Variants in SIL1 observed in about 807,000 individuals in gnomAD.
The protein encoded by SIL1 is nucleotide exchange factor SIL1.
A neutral mutation model predicts 49.1 loss-of-function variants in SIL1; 40 were observed. The observed-to-expected ratio is 0.81, with a 90% CI of 0.63 to 1.06. The LOEUF is 1.06. SIL1 is among the 50% of genes least tolerant of loss of function. The pLI is 0.00. For synonymous variants in SIL1, 253 were observed against 250.8 expected, an observed-to-expected ratio of 1.01 and a Z score of -0.08; for missense variants, 500 against 572.6, an observed-to-expected ratio of 0.87 and a Z score of 1.29.
chr5:139,145,389 G>T (rs1751171600), intron 1 of SIL1, among the ~76,000 whole-genome samples: 1 of 152,180 alleles, frequency 6.6e-6, no homozygotes, highest in East Asian at 1.9e-4. Flanking sequence ...AGTATAAAAT[G>T]TTGCAGCTGC....
chr5:139,117,093 T>A (rs1771006741), intron 3 of SIL1, among the ~76,000 whole-genome samples: 1 of 152,244 alleles, frequency 6.6e-6, no homozygotes, highest in South Asian at 2.1e-4. Context: ...TGCCATACCA[T>A]CTTTATGCCC....
intron 7 of SIL1, among the ~76,000 whole-genome samples, chr5:138,994,308 A>G (rs1767817632): frequency 6.6e-6 from 1 of 152,210 alleles, no homozygotes; most frequent in Non-Finnish European, 1.5e-5. Context: ...GTTGGCTATA[A>G]AGTCATATAC....
intron 1 of SIL1, among the ~76,000 whole-genome samples, chr5:139,140,301 T>C (rs1386523949): frequency 2.0e-5 from 3 of 151,874 alleles, no homozygotes; most frequent in Non-Finnish European, 4.4e-5. Flanking sequence ...ATTACAACTT[T>C]GTAATAATGA....
chr5:139,142,469 T>C (rs1358843685), intron 1 of SIL1, among the ~76,000 whole-genome samples: 1 of 152,138 alleles, frequency 6.6e-6, no homozygotes, highest in African/African-American at 2.4e-5. Context: ...ATCCCAGGAA[T>C]ACAAGAGTGG....
intron 3 of SIL1, among the ~76,000 whole-genome samples, chr5:139,113,698 C>T (rs979343297): frequency 1.3e-5 from 2 of 152,212 alleles, no homozygotes; most frequent in African/African-American, 4.8e-5. Flanking sequence ...TACTCCTAGC[C>T]CTGGTTAGTC....
At chr5:138,984,639 A>C (rs1767612103) in intron 7 of SIL1, among the ~76,000 whole-genome samples, 1 of 152,114 alleles carries the variant, frequency 6.6e-6, no homozygotes, top group Non-Finnish European at 1.5e-5. Flanking sequence ...GATTACAGGC[A>C]TGAGCCACTG....
At chr5:138,972,192 C>T (rs776505713) in intron 7 of SIL1, among the ~76,000 whole-genome samples, 4 of 152,182 alleles carry the variant, frequency 2.6e-5, no homozygotes, top group Non-Finnish European at 4.4e-5. Context: ...TAAGTGATTC[C>T]GTTGACTTCA....
chr5:139,120,563 G>A (rs1404569492), intron 3 of SIL1, among the ~76,000 whole-genome samples: 1 of 152,132 alleles, frequency 6.6e-6, no homozygotes, highest in African/African-American at 2.4e-5. Flanking sequence ...TCCTTCTGAG[G>A]ATGCACTATT....
At chr5:139,077,214 C>A (rs147149900) in intron 3 of SIL1, among the ~76,000 whole-genome samples, 4 of 152,208 alleles carry the variant, frequency 2.6e-5, no homozygotes, top group African/African-American at 7.2e-5. Context: ...TTCCCTCCCC[C>A]ACATTCAATC....
intron 7 of SIL1, among the ~76,000 whole-genome samples, chr5:138,966,183 C>G (rs1037258725): frequency 6.6e-6 from 1 of 152,114 alleles, no homozygotes; most frequent in Admixed American, 6.5e-5. Context: ...TCCACTCAAA[C>G]CCCCGTTACT....
chr5:139,066,023 G>C (rs888983277), intron 3 of SIL1, among the ~76,000 whole-genome samples: 7 of 152,166 alleles, frequency 4.6e-5, no homozygotes, highest in African/African-American at 1.7e-4. Flanking sequence ...AGCATTCTGA[G>C]CTAGAAAGAA....
chr5:138,964,587 G>A (rs774508035), intron 7 of SIL1, among the ~76,000 whole-genome samples: 15 of 152,228 alleles, frequency 9.9e-5, no homozygotes, highest in South Asian at 4.1e-4. Flanking sequence ...TCATTAAAAG[G>A]CCTTCTGCTG....
At chr5:139,144,110 T>C (rs1751146482) in intron 1 of SIL1, among the ~76,000 whole-genome samples, 1 of 152,210 alleles carries the variant, frequency 6.6e-6, no homozygotes, top group African/African-American at 2.4e-5. Context: ...AAACCCATCC[T>C]AAAATTCACA....
intron 1 of SIL1, among the ~76,000 whole-genome samples, chr5:139,190,015 A>G (rs1402206734): frequency 6.6e-6 from 1 of 152,196 alleles, no homozygotes; most frequent in Non-Finnish European, 1.5e-5. Flanking sequence ...AATTCTTAAG[A>G]TAGCTATAAA....
chr5:139,037,468 A>G (rs573712406), intron 5 of SIL1, among the ~76,000 whole-genome samples: 3 of 152,286 alleles, frequency 2.0e-5, no homozygotes, highest in African/African-American at 4.8e-5. Flanking sequence ...TGGAATTCCA[A>G]TGACACAAAT....
intron 7 of SIL1, among the ~76,000 whole-genome samples, chr5:138,980,916 C>T (rs2150398992): frequency 6.6e-6 from 1 of 152,180 alleles, no homozygotes; most frequent in African/African-American, 2.4e-5. Context: ...ATGAGAGGTT[C>T]ACCCTGGGCC....
intron 1 of SIL1, among the ~76,000 whole-genome samples, chr5:139,132,361 G>A (rs913677501): frequency 2.6e-5 from 4 of 152,190 alleles, no homozygotes; most frequent in African/African-American, 4.8e-5. Context: ...CTGCACACAC[G>A]CTAACACTGT....
intron 3 of SIL1, among the ~76,000 whole-genome samples, chr5:139,063,959 T>C (rs62381232): frequency 0.016 from 2,508 of 152,348 alleles, 26 homozygotes; most frequent in Non-Finnish European, 0.023. Flanking sequence ...TTTGTTCTCA[T>C]TTATTTTCCT....
At chr5:139,146,113 C>A (rs540973429) in intron 1 of SIL1, among the ~76,000 whole-genome samples, 1 of 151,942 alleles carries the variant, frequency 6.6e-6, no homozygotes, top group Admixed American at 6.6e-5. Flanking sequence ...CAAAGTGCTG[C>A]GATTACAGCC....
Sources: allele counts gnomAD v4.1 joint callset (sites outside exome capture counted in the v4.1 genomes callset), GRCh38; gene constraint gnomAD v4.1.1; transcripts MANE v1.5; gene names NCBI Gene and HGNC (gene_info 2026-07-23, HGNC 2026-07-21).